Variants in NOL4 observed in about 807,000 individuals in gnomAD.
The protein encoded by NOL4 is cancer/testis antigen 125.
In NOL4, 17 loss-of-function variants were observed where a neutral mutation model predicts 75.9. The observed-to-expected ratio is 0.22, with a 90% CI of 0.15 to 0.34. The LOEUF (loss-of-function observed/expected upper bound fraction) is 0.34, where lower values mean the gene tolerates loss of function less well. NOL4 is among the 10% of genes least tolerant of loss of function. The pLI, the probability that NOL4 is intolerant of heterozygous loss-of-function variation, is 1.00. For missense variants in NOL4, 614 were observed against 793.5 expected, an observed-to-expected ratio of 0.77 and a Z score of 2.72; for synonymous variants, 292 against 289.9, an observed-to-expected ratio of 1.01 and a Z score of -0.07.
chr18:33,854,488 G>A (rs1362207217), intron 10 of NOL4, among the ~76,000 whole-genome samples: 6 of 152,032 alleles, frequency 3.9e-5, no homozygotes, highest in Non-Finnish European at 8.8e-5. Context: ...AGAGATGTGC[G>A]ATGTCACATT....
At chr18:33,901,884 A>T (rs2065767647) in intron 9 of NOL4, among the ~76,000 whole-genome samples, 1 of 152,108 alleles carries the variant, frequency 6.6e-6, no homozygotes, top group Admixed American at 6.6e-5. Flanking sequence ...AATAAGGTAG[A>T]AAGGAACCAG....
At chr18:34,195,365 C>G (rs2035253322) in intron 1 of NOL4, among the ~76,000 whole-genome samples, 1 of 152,080 alleles carries the variant, frequency 6.6e-6, no homozygotes, top group African/African-American at 2.4e-5. Flanking sequence ...TCATCTGTTT[C>G]TAAATTCTTT....
intron 10 of NOL4, among the ~76,000 whole-genome samples, chr18:33,872,940 T>A (rs1216670907): frequency 6.6e-6 from 1 of 151,804 alleles, no homozygotes; most frequent in Non-Finnish European, 1.5e-5. Flanking sequence ...GCAGAAAAAA[T>A]TCCTAAATAT....
At chr18:34,044,973 A>C (rs1193343913) in intron 5 of NOL4, among the ~76,000 whole-genome samples, 1 of 152,136 alleles carries the variant, frequency 6.6e-6, no homozygotes, top group Admixed American at 6.5e-5. Context: ...TGCTCACCAG[A>C]CTGAGTGTTT....
At chr18:34,014,995 C>T (rs2074599904) in intron 6 of NOL4, among the ~76,000 whole-genome samples, 2 of 151,888 alleles carry the variant, frequency 1.3e-5, no homozygotes, top group African/African-American at 2.4e-5. Flanking sequence ...TTCACATATT[C>T]TATATAATTA....
chr18:33,856,218 T>C (rs1012902682), intron 10 of NOL4, among the ~76,000 whole-genome samples: 1 of 152,198 alleles, frequency 6.6e-6, no homozygotes, highest in East Asian at 1.9e-4. Context: ...ATTCTTTCTA[T>C]AGCCAATAAT....
intron 8 of NOL4, among the ~76,000 whole-genome samples, chr18:33,956,502 T>C (rs1289287472): frequency 6.6e-6 from 1 of 152,120 alleles, no homozygotes; most frequent in Non-Finnish European, 1.5e-5. Context: ...TAGGCTTTTA[T>C]GGCGCCTTCT....
At chr18:34,033,158 C>T (rs570017460) in intron 5 of NOL4, among the ~76,000 whole-genome samples, 1 of 152,078 alleles carries the variant, frequency 6.6e-6, no homozygotes, top group East Asian at 1.9e-4. Context: ...AAAGCAAAAA[C>T]GTATGACACC....
intron 9 of NOL4, among the ~76,000 whole-genome samples, chr18:33,909,623 C>T (rs909723096): frequency 6.6e-6 from 1 of 152,092 alleles, no homozygotes; most frequent in South Asian, 2.1e-4. Flanking sequence ...TTTTTATTAT[C>T]TCATGTCTAT....
At chr18:33,926,213 A>G (rs2067313591) in intron 9 of NOL4, among the ~76,000 whole-genome samples, 1 of 151,932 alleles carries the variant, frequency 6.6e-6, no homozygotes, top group African/African-American at 2.4e-5. Context: ...TACAAAAATT[A>G]GCTGGGTGCG....
chr18:34,094,289 T>C (rs780172959), intron 4 of NOL4, among the ~76,000 whole-genome samples: 1 of 152,160 alleles, frequency 6.6e-6, no homozygotes, highest in Non-Finnish European at 1.5e-5. Flanking sequence ...GCAAACAGGA[T>C]AGATTCTAAT....
chr18:34,112,250 T>G (rs1425887745), intron 2 of NOL4, among the ~76,000 whole-genome samples: 5 of 151,868 alleles, frequency 3.3e-5, no homozygotes, highest in Non-Finnish European at 7.4e-5. Context: ...GTACCTGTAA[T>G]CCCTGCTACT....
chr18:33,874,111 T>C (rs1488481828), intron 10 of NOL4, among the ~76,000 whole-genome samples: 1 of 151,794 alleles, frequency 6.6e-6, no homozygotes, highest in African/African-American at 2.4e-5. Flanking sequence ...AAGATTGGGG[T>C]TGTTATGCAC....
chr18:34,081,463 T>C (rs1375368914), intron 5 of NOL4, among the ~76,000 whole-genome samples: 1 of 152,164 alleles, frequency 6.6e-6, no homozygotes, highest in East Asian at 1.9e-4. Context: ...GTGACTTGTA[T>C]AATTGATAGC....
chr18:34,046,602 T>A (rs947459753), intron 5 of NOL4, among the ~76,000 whole-genome samples: 19 of 32,088 alleles, frequency 5.9e-4, no homozygotes, highest in African/African-American at 9.3e-4. Flanking sequence ...TACTATTTAC[T>A]TATACATATA....
intron 10 of NOL4, among the ~76,000 whole-genome samples, chr18:33,865,338 C>T (rs758546846): frequency 5.9e-5 from 9 of 151,924 alleles, no homozygotes; most frequent in Admixed American, 2.0e-4. Flanking sequence ...CTGAATATAA[C>T]GTAAATGCTA....
chr18:33,868,265 A>G lies in NOL4; in HGVS notation c.1723+14979T>C, dbSNP rs1179872810. Among the ~76,000 whole-genome samples, 19 of 151,398 alleles carry G rather than the reference A, an allele frequency of 1.3e-4. 1 individual carries two copies. Among genetic ancestry groups the G allele is most frequent in the Admixed American group, 2.6e-4 (4 of 15,188 alleles). ...TGCTATGTTGCCCAGGCTGGTCTCG[A>G]ACATCTGGGCTCAAGCAAACCACCT... On this transcript the variant is annotated intron_variant, in intron 10 of 10. Coordinates refer to ENST00000261592, the MANE Select transcript of NOL4 (RefSeq NM_003787.5).
chr18:34,055,736 T>TAATTTGTA (rs1443812102), intron 5 of NOL4, among the ~76,000 whole-genome samples: 1 of 152,146 alleles, frequency 6.6e-6, no homozygotes, highest in Non-Finnish European at 1.5e-5. Context: ...TGAATTTCCA[T>TAATTTGTA]AATTTGTATA....
In NOL4 at chr18:34,093,487, C is replaced by T. The variant is rs201341456; in HGVS notation, c.750G>A (p.Gln250=). Residue 250 remains glutamine (Q), a synonymous_variant, in exon 5 of 11, where the codon CAG becomes CAA. Coordinates refer to ENST00000261592, the MANE Select transcript of NOL4 (RefSeq NM_003787.5). ...SNLEERMQSP[Q]NLHGQQDDDS... is the part of the protein sequence containing the mutation. ...TACCATCTTGCTGGCCATGAAGATT[C>T]TGGGGACTTTGCATTCTTTCTTCAA... 1.3e-6 allele frequency: 2 copies of T among 1,593,648 alleles called. No homozygotes were observed. Among genetic ancestry groups the T allele is most frequent in the East Asian group, 4.6e-5 (2 of 43,846 alleles).
Sources: allele counts gnomAD v4.1 joint callset (sites outside exome capture counted in the v4.1 genomes callset), GRCh38; gene constraint gnomAD v4.1.1; transcripts MANE v1.5; gene names NCBI Gene and HGNC (gene_info 2026-07-23, HGNC 2026-07-21).